The following CAPN14 variants were observed in gnomAD, a reference collection of about 807,000 sequenced individuals.
CAPN14 encodes calpain 14.
Under a neutral mutation model 101.3 loss-of-function variants are expected in CAPN14, and 94 were observed. The observed-to-expected ratio is 0.93, with a 90% CI of 0.79 to 1.10. The LOEUF (loss-of-function observed/expected upper bound fraction) is 1.10. Ranked by LOEUF, CAPN14 falls within the 50% of genes least tolerant of loss-of-function variation. The pLI, the probability that CAPN14 is intolerant of heterozygous loss-of-function variation, is 0.00. For synonymous variants in CAPN14, 338 were observed against 317.9 expected, an observed-to-expected ratio of 1.06 and a Z score of -0.67; for missense variants, 837 against 828.4, an observed-to-expected ratio of 1.01 and a Z score of -0.13.
chr2:31,201,197 ATGTGTGTGTGTGCATGTG>A (rs964269723), intron 5 of CAPN14, among the ~76,000 whole-genome samples: 1 of 130,936 alleles, frequency 7.6e-6, no homozygotes, highest in Non-Finnish European at 1.8e-5. Context: ...GTGTGTGTGC[ATGTGTGTGTGTGCATGTG>A]TGTGTCTGTG....
At chr2:31,180,862 A>T in intron 17 of CAPN14, 74 bp downstream of exon 17, 3 of 1,327,854 alleles carry the variant, frequency 2.3e-6, no homozygotes, top group Non-Finnish European at 2.1e-6. Context: ...TTGGGATTCA[A>T]ATATACTCTG....
chr2:31,231,250 T>G (rs1683184288), intron 1 of CAPN14, among the ~76,000 whole-genome samples: 1 of 152,218 alleles, frequency 6.6e-6, no homozygotes, highest in Non-Finnish European at 1.5e-5. Flanking sequence ...CTTGTCAATT[T>G]CCATGGAAAA....
intron 5 of CAPN14, among the ~76,000 whole-genome samples, chr2:31,201,045 T>C (rs990299843): frequency 6.6e-6 from 1 of 152,164 alleles, no homozygotes; most frequent in Non-Finnish European, 1.5e-5. Flanking sequence ...CACAGGTCCA[T>C]TTTCTCTCTT....
At chr2:31,193,340 G>A (rs535443491) in intron 9 of CAPN14, 46 bp from the exon 10 acceptor site, 35 of 1,534,522 alleles carry the variant, frequency 2.3e-5, no homozygotes, top group East Asian at 4.9e-5. Flanking sequence ...ACCAGATAAC[G>A]CCTAGTTATC....
In CAPN14 at chr2:31,185,500, T is replaced by C. The variant is rs79142748; in HGVS notation, c.1645+928A>G. On this transcript the variant is annotated intron_variant, in intron 16 of 21. Transcript: ENST00000403897. ...AAATGCTTTGGAAAACCATTTTGTA[T>C]ATATGCAATCAAGACCTTTAAAAAC... 4.1e-3 allele frequency among the ~76,000 whole-genome samples: 629 copies of C among 152,348 alleles called. 3 individuals carry two copies. The highest frequency in any genetic ancestry group is 0.014 in the African/African-American group (579 of 41,574).
intron 16 of CAPN14, among the ~76,000 whole-genome samples, chr2:31,183,556 C>T (rs1449745839): frequency 6.6e-6 from 1 of 152,044 alleles, no homozygotes; most frequent in Non-Finnish European, 1.5e-5. Context: ...CAAAAGAAGA[C>T]ATTTATGCAG....
At chr2:31,222,252 G>A (rs1400271285), upstream of CAPN14, among the ~76,000 whole-genome samples, 1 of 152,190 alleles carries the variant, frequency 6.6e-6, no homozygotes, top group Admixed American at 6.5e-5. Flanking sequence ...TATCTAGTAA[G>A]TCTTTGAGTC....
rs1480713856 is a variant in CAPN14, at chr2:31,173,923, G to A, written c.*758C>T. ...TTGTCCTTTGAAGTAGATAGACAGAGAATTTCTGGACAGATTTGAAATGGA... is the reference window on the plus strand; with the variant it reads ...TTGTCCTTTGAAGTAGATAGACAGAAAATTTCTGGACAGATTTGAAATGGA... On this transcript the variant is annotated 3_prime_UTR_variant, in exon 22 of 22. Transcript: ENST00000403897. 6.6e-6 allele frequency: 1 copy of A among 152,166 alleles called. No homozygotes were observed. The highest frequency in any genetic ancestry group is 1.9e-4 in the East Asian group (1 of 5,184). The allele number at this position is 152,166 out of a possible 1,614,324, so 9.4% of individuals were successfully genotyped here. A position where few individuals can be genotyped will look rare whatever the true frequency, so the allele number is the denominator to read the frequency against.
chr2:31,200,731 C>A, intron 5 of CAPN14, 106 bp from the exon 6 acceptor site: 1 of 1,122,612 alleles, frequency 8.9e-7, no homozygotes, highest in South Asian at 1.7e-5. Context: ...TTTTCTCATA[C>A]CAAAAGCAGA....
rs1489105235 is a variant in CAPN14, at chr2:31,187,850, C to A, written c.1531-36G>T. 2.6e-6 allele frequency: 4 copies of A among 1,516,172 alleles called. No homozygotes were observed. In the African/African-American group the frequency reaches 5.6e-5, roughly 21 times the overall value. The allele number at this position is 1,516,172 out of a possible 1,614,324, so 93.9% of individuals were successfully genotyped here. A position where few individuals can be genotyped will look rare whatever the true frequency, so the allele number is the denominator to read the frequency against. On this transcript the variant is annotated intron_variant, in intron 14 of 21. Coordinates refer to ENST00000403897, the MANE Select transcript of CAPN14 (RefSeq NM_001145122.2). ...AGACACACAGAAAGACACAATTATTCACCTGTATAAACGGACTTTCGTGCA... is the reference window on the plus strand; with the variant it reads ...AGACACACAGAAAGACACAATTATTAACCTGTATAAACGGACTTTCGTGCA...
intron 1 of CAPN14, chr2:31,228,469 A>G (rs1175418595): frequency 6.6e-6 from 1 of 152,226 alleles, no homozygotes; most frequent in East Asian, 1.9e-4. Context: ...CAAACACCAC[A>G]GATATCACTA....
chr2:31,202,937 G>A (rs902337669), intron 3 of CAPN14, 133 bp downstream of exon 3: 2 of 680,932 alleles, frequency 2.9e-6, no homozygotes, highest in Non-Finnish European at 5.0e-6. Flanking sequence ...GTAGCGTTTT[G>A]CCAGTGAATA....
intron 8 of CAPN14, 99 bp downstream of exon 8, chr2:31,197,150 A>G: frequency 1.3e-6 from 1 of 794,752 alleles, no homozygotes; most frequent in Non-Finnish European, 2.1e-6. Context: ...GATCCAGCCT[A>G]AGACCAAAGA....
intron 19 of CAPN14, 117 bp downstream of exon 19, chr2:31,177,629 T>G: frequency 2.7e-6 from 2 of 737,394 alleles, no homozygotes; most frequent in Non-Finnish European, 2.3e-6. Flanking sequence ...TCTACGTCTT[T>G]GAGAGTAACA....
upstream of CAPN14, among the ~76,000 whole-genome samples, chr2:31,221,929 G>A (rs576201048): frequency 3.6e-4 from 55 of 152,286 alleles, no homozygotes; most frequent in African/African-American, 1.3e-3. Context: ...CCCAATTCCT[G>A]GGAGTTTTTC....
chr2:31,195,914 C>T (rs898440755), intron 8 of CAPN14, among the ~76,000 whole-genome samples: 2 of 151,856 alleles, frequency 1.3e-5, no homozygotes, highest in African/African-American at 4.8e-5. Context: ...TATGAAGAAG[C>T]AGGAAATATG....
intron 7 of CAPN14, 80 bp from the exon 8 acceptor site, chr2:31,197,414 G>T: frequency 1.0e-6 from 1 of 961,864 alleles, no homozygotes; most frequent in Non-Finnish European, 1.6e-6. Flanking sequence ...CGGGCCTGGA[G>T]CTGAGCACTT....
intron 6 of CAPN14, 51 bp downstream of exon 6, chr2:31,200,400 G>A: frequency 6.8e-7 from 1 of 1,478,420 alleles, no homozygotes; most frequent in Non-Finnish European, 9.1e-7. Context: ...GTGGATGGAG[G>A]GCATGGGTGC....
chr2:31,223,881 A>G (rs1682938836), intron 2 of CAPN14, among the ~76,000 whole-genome samples: 1 of 152,146 alleles, frequency 6.6e-6, no homozygotes, highest in African/African-American at 2.4e-5. Flanking sequence ...TCACTGTGCA[A>G]ATGAAATGAA....
Sources: gnomAD v4.1 joint callset for allele counts (sites outside exome capture counted in the v4.1 genomes callset) on GRCh38, gnomAD v4.1.1 for gene constraint, MANE v1.5 for transcripts, NCBI Gene and HGNC (gene_info 2026-07-23, HGNC 2026-07-21) for gene names.